Variants in TRIM37 observed in about 807,000 individuals in gnomAD.
The protein encoded by TRIM37 is tripartite motif containing 37.
Under a neutral mutation model 129.8 loss-of-function variants are expected in TRIM37, and 80 were observed. That is an observed-to-expected ratio of 0.62 (90% CI 0.51 to 0.74). TRIM37 has a LOEUF of 0.74. Ranked by LOEUF, TRIM37 falls within the 30% of genes least tolerant of loss-of-function variation. The pLI, the probability that TRIM37 is intolerant of heterozygous loss-of-function variation, is 0.00. For synonymous variants in TRIM37, 389 were observed against 387.1 expected, an observed-to-expected ratio of 1.00 and a Z score of -0.06; for missense variants, 1,054 against 1,176.5, an observed-to-expected ratio of 0.90 and a Z score of 1.52.
chr17:59,068,233 A>T (rs1014364448), intron 9 of TRIM37, among the ~76,000 whole-genome samples: 4 of 152,234 alleles, frequency 2.6e-5, no homozygotes, highest in African/African-American at 9.6e-5. Flanking sequence ...TGAGCTGCTG[A>T]AAGTGGTATA....
rs546676358 is a variant in TRIM37, at chr17:59,056,802, G to T, written c.1199+73C>A. Reference sequence around the variant, plus strand: ...CAATATTCATCTTTGTTAACCAAATGATCTTTGAAATATAGTTCTGATGAT... The same window carrying T: ...CAATATTCATCTTTGTTAACCAAATTATCTTTGAAATATAGTTCTGATGAT... On this transcript the variant is annotated intron_variant, in intron 13 of 23. Coordinates refer to ENST00000262294, the MANE Select transcript of TRIM37 (RefSeq NM_015294.6). 11 of 1,042,264 alleles carry T rather than the reference G, an allele frequency of 1.1e-5. No homozygotes were observed. In the East Asian group the frequency reaches 2.0e-4, roughly 19 times the overall value. The allele number at this position is 1,042,264 out of a possible 1,614,324, so 64.6% of individuals were successfully genotyped here.
intron 16 of TRIM37, among the ~76,000 whole-genome samples, chr17:59,044,822 G>A (rs932246324): frequency 2.0e-5 from 3 of 152,058 alleles, no homozygotes; most frequent in Non-Finnish European, 1.5e-5. Flanking sequence ...AACCAATACC[G>A]CAAGGATACT....
chr17:59,006,184 C>A (rs956867416), intron 22 of TRIM37, among the ~76,000 whole-genome samples: 2 of 152,056 alleles, frequency 1.3e-5, no homozygotes, highest in African/African-American at 4.8e-5. Context: ...TTTTATCAAG[C>A]ACTAAGATCT....
the TRIM37 span, among the ~76,000 whole-genome samples, chr17:58,971,179 A>G: frequency 2.0e-5 from 3 of 152,102 alleles, no homozygotes; most frequent in Admixed American, 6.6e-5. Context: ...TCTCCAGGGC[A>G]TATGCACTGA....
chr17:59,001,556 G>A (rs2033769734), intron 23 of TRIM37, 42 bp downstream of exon 23: 2 of 1,612,962 alleles, frequency 1.2e-6, no homozygotes. Context: ...AGCGGCAGCG[G>A]TGGTTTTAGT....
intron 4 of TRIM37, chr17:59,087,973 CTG>C (rs2043925761): frequency 1.9e-6 from 1 of 523,642 alleles, no homozygotes; most frequent in Non-Finnish European, 3.4e-6. Context: ...TGTATTATCA[CTG>C]TGTCCCCATT....
intron 19 of TRIM37, among the ~76,000 whole-genome samples, chr17:59,019,197 A>G (rs1423914877): frequency 2.0e-5 from 3 of 152,260 alleles, no homozygotes; most frequent in Non-Finnish European, 4.4e-5. Context: ...AAACTTGTAC[A>G]TGAACGTTCA....
chr17:59,056,747 A>AAAAAAAAAAAAAT, intron 13 of TRIM37, 128 bp downstream of exon 13: 2 of 427,110 alleles, frequency 4.7e-6, no homozygotes, highest in Non-Finnish European at 4.1e-6. Flanking sequence ...AAAAAAAAAA[A>AAAAAAAAAAAAAT]GGTGATAAGG....
intron 9 of TRIM37, 56 bp from the exon 10 acceptor site, chr17:59,064,461 G>A (rs1568144456): frequency 7.5e-7 from 1 of 1,340,388 alleles, no homozygotes; most frequent in Non-Finnish European, 1.0e-6. Flanking sequence ...AATTCCATTT[G>A]CCTAAAAAAG....
At chr17:58,971,078 G>A in the TRIM37 span, among the ~76,000 whole-genome samples, 2 of 151,988 alleles carry the variant, frequency 1.3e-5, no homozygotes, top group Non-Finnish European at 1.5e-5. Flanking sequence ...TTGTCTCAGC[G>A]CCCCTTTTCT....
intron 8 of TRIM37, among the ~76,000 whole-genome samples, chr17:59,075,339 A>C (rs1475959380): frequency 6.6e-6 from 1 of 152,014 alleles, no homozygotes; most frequent in Non-Finnish European, 1.5e-5. Flanking sequence ...TGAGGCGGGC[A>C]GATCACCAGG....
chr17:59,055,857 G>A lies in TRIM37; in HGVS notation c.1199+1018C>T, dbSNP rs117844136. Among the ~76,000 whole-genome samples the A allele has an allele frequency of 1.5e-3, 231 of 152,072 alleles. 1 individual carries two copies. The highest frequency in any genetic ancestry group is 2.1e-3 in the Non-Finnish European group (144 of 67,984). ...TAGTATCTGGGTGATGAAATAATCC[G>A]TACACCAAATCACCATGATGTGAGT... On this transcript the variant is annotated intron_variant, in intron 13 of 23. Transcript: ENST00000262294.
At chr17:59,088,213 G>A in intron 4 of TRIM37, 78 bp downstream of exon 4, 1 of 875,768 alleles carries the variant, frequency 1.1e-6, no homozygotes, top group East Asian at 2.4e-5. Context: ...TAACTAAAAG[G>A]CAACTACCAA....
intron 13 of TRIM37, among the ~76,000 whole-genome samples, chr17:59,055,705 A>AG (rs1273903841): frequency 1.3e-5 from 2 of 151,432 alleles, no homozygotes; most frequent in East Asian, 3.9e-4. Context: ...AAAAAAAAAA[A>AG]AAAAGCTAAA....
At chr17:59,001,534 A>C in intron 23 of TRIM37, 64 bp downstream of exon 23, 1 of 1,607,652 alleles carries the variant, frequency 6.2e-7, no homozygotes, top group Non-Finnish European at 8.5e-7. Flanking sequence ...CAGCAGAAGA[A>C]GAAGAAAGAG....
In TRIM37 at chr17:59,079,775, T is replaced by G; in HGVS notation, c.595A>C (p.Asn199His). The G allele has an allele frequency of 6.2e-7, 1 of 1,614,030 alleles. No individual in the cohort carries two copies. Among genetic ancestry groups the G allele is most frequent in the Non-Finnish European group, 8.5e-7 (1 of 1,179,936 alleles). ...MIARLDTQLKNKLITLMGQKT... is the reference protein window; with the variant it reads ...MIARLDTQLKHKLITLMGQKT... ...TTACCCATCAGTGTTATAAGCTTAT[T>G]CTTCAGCTGTGTGTCTAACCGTGCA... Residue 199 changes from asparagine (N) to histidine (H), a missense_variant, in exon 7 of 24, where the codon AAT becomes CAT. By Grantham distance (68) the Asn-to-His change is moderately conservative. Transcript: ENST00000262294.
intron 2 of TRIM37, among the ~76,000 whole-genome samples, chr17:59,101,365 G>A (rs1008977024): frequency 6.6e-6 from 1 of 152,016 alleles, no homozygotes; most frequent in Non-Finnish European, 1.5e-5. Context: ...CTGGAGATAA[G>A]AAAAGACTCA....
intron 2 of TRIM37, among the ~76,000 whole-genome samples, chr17:59,103,420 C>A (rs528047435): frequency 2.0e-5 from 3 of 152,172 alleles, no homozygotes; most frequent in Non-Finnish European, 2.9e-5. Flanking sequence ...CGGCTCACTG[C>A]AACCTCCGCC....
At chr17:58,995,687 A>C (rs2032918184), downstream of TRIM37, among the ~76,000 whole-genome samples, 1 of 152,258 alleles carries the variant, frequency 6.6e-6, no homozygotes, top group Non-Finnish European at 1.5e-5. Flanking sequence ...AAAACATTAC[A>C]GTAATAATTC....
Sources: allele counts gnomAD v4.1 joint callset (sites outside exome capture counted in the v4.1 genomes callset), GRCh38; gene constraint gnomAD v4.1.1; transcripts MANE v1.5; gene names NCBI Gene and HGNC (gene_info 2026-07-23, HGNC 2026-07-21).